The following SASH1 variants were observed in gnomAD, a reference collection of about 807,000 sequenced individuals.
SASH1 encodes SAM and SH3 domain containing 1.
Under a neutral mutation model 125.2 loss-of-function variants are expected in SASH1, and 44 were observed. The ratio of observed to expected loss-of-function variants is 0.35; its 90% CI spans 0.28 to 0.45. SASH1 has a LOEUF of 0.45. SASH1 is among the 20% of genes least tolerant of loss of function. The pLI is 1.00. For synonymous variants in SASH1, 639 were observed against 649.1 expected (o/e 0.98, Z 0.24); for missense variants, 1,426 against 1,614.5 (o/e 0.88, Z 2.00).
chr6:148,310,317 G>A (rs916271869), intron 1 of SASH1, among the ~76,000 whole-genome samples: 3 of 151,480 alleles, frequency 2.0e-5, no homozygotes, highest in Non-Finnish European at 2.9e-5. Flanking sequence ...GTGAAACGTT[G>A]TCTCAAAACA....
At chr6:148,349,112 G>A (rs1781616187) in intron 1 of SASH1, among the ~76,000 whole-genome samples, 1 of 152,144 alleles carries the variant, frequency 6.6e-6, no homozygotes, top group African/African-American at 2.4e-5. Flanking sequence ...AGGTGGAAGG[G>A]CACAGATCTC....
chr6:148,503,771 A>C (rs1387930113), intron 8 of SASH1, among the ~76,000 whole-genome samples: 1 of 151,924 alleles, frequency 6.6e-6, no homozygotes, highest in African/African-American at 2.4e-5. Context: ...AAAAAAAAAA[A>C]AAAGAAACAT....
At chr6:148,474,288 CG>C in intron 7 of SASH1, 66 bp downstream of exon 7, 1 of 994,224 alleles carries the variant, frequency 1.0e-6, no homozygotes, top group Non-Finnish European at 1.5e-6. Context: ...AAAATGTTTG[CG>C]GCCAACAAGG....
rs186257741 is a variant in SASH1, at chr6:148,528,016, G to A, written c.1428+420G>A. ...GGGGGGGGGTGGCAGTAGACTTGTC[G>A]ATCATAGCATAAGTTGTTCTAGAAG... is the stretch of plus-strand genomic sequence containing the variant. On this transcript the variant is annotated intron_variant, in intron 12 of 19. Coordinates refer to ENST00000367467, the MANE Select transcript of SASH1 (RefSeq NM_015278.5). 1.0e-3 allele frequency among the ~76,000 whole-genome samples: 153 copies of A among 146,270 alleles called. 1 individual carries two copies. The highest frequency in any genetic ancestry group is 1.9e-3 in the Non-Finnish European group (128 of 67,386).
chr6:148,309,084 CAAAAAA>C (rs10652144), intron 1 of SASH1, among the ~76,000 whole-genome samples: 3 of 101,102 alleles, frequency 3.0e-5, no homozygotes, highest in Non-Finnish European at 5.9e-5. Flanking sequence ...ACTCTGTCTC[CAAAAAA>C]AAAAAAAAAA....
chr6:148,455,961 A>G (rs756053034), intron 4 of SASH1, among the ~76,000 whole-genome samples: 3 of 151,866 alleles, frequency 2.0e-5, no homozygotes, highest in Non-Finnish European at 4.4e-5. Context: ...CCCCCAGGGC[A>G]GCTGGCAGAA....
intron 4 of SASH1, among the ~76,000 whole-genome samples, chr6:148,443,703 G>C (rs916526588): frequency 6.6e-6 from 1 of 151,860 alleles, no homozygotes; most frequent in Non-Finnish European, 1.5e-5. Flanking sequence ...GAGGTTTTGT[G>C]TTTAAATTTC....
chr6:148,425,200 A>G (rs1352926143), intron 2 of SASH1, among the ~76,000 whole-genome samples: 2 of 152,226 alleles, frequency 1.3e-5, no homozygotes, highest in Non-Finnish European at 2.9e-5. Context: ...AGCTAGCTTC[A>G]GGATGAACAC....
chr6:148,206,830 C>CACACAA, the SASH1 span, among the ~76,000 whole-genome samples: 2 of 150,724 alleles, frequency 1.3e-5, no homozygotes, highest in East Asian at 1.9e-4. Context: ...CACACACACA[C>CACACAA]AAATTAACAT....
upstream of SASH1, among the ~76,000 whole-genome samples, chr6:148,267,674 G>A (rs1778979065): frequency 2.0e-5 from 3 of 152,046 alleles, no homozygotes; most frequent in Admixed American, 1.3e-4. Context: ...CACCGTGCCC[G>A]GCCCCAGTGC....
intron 2 of SASH1, among the ~76,000 whole-genome samples, chr6:148,401,802 T>C (rs1303655889): frequency 6.6e-6 from 1 of 152,146 alleles, no homozygotes; most frequent in African/African-American, 2.4e-5. Context: ...GTGTATGTTT[T>C]TTTTTAGTGT....
chr6:148,242,687 A>G, the SASH1 span, among the ~76,000 whole-genome samples: 5 of 152,208 alleles, frequency 3.3e-5, no homozygotes, highest in African/African-American at 9.6e-5. Context: ...AGCTGCCACT[A>G]TAACAAATAC....
chr6:148,283,988 C>T (rs1486224148), intron 1 of SASH1, among the ~76,000 whole-genome samples: 1 of 151,944 alleles, frequency 6.6e-6, no homozygotes, highest in Non-Finnish European at 1.5e-5. Flanking sequence ...TTCCCTTCAC[C>T]CTGAGTGTTA....
In SASH1 at chr6:148,390,225, A is replaced by G. The variant is rs1474482011; in HGVS notation, c.248A>G (p.Glu83Gly). Residue 83 changes from glutamate to glycine, a missense_variant, in exon 2 of 20, where the codon GAG (glutamate) becomes GGG (glycine). By Grantham distance (98) the Glu-to-Gly change is moderately conservative. Transcript: ENST00000367467. ...CFSDVCERME[E>G]LRKRRVSQDL... ...TCCGACGTGTGCGAGAGGATGGAGG[A>G]GCTGCGGAAACGGCGGGTTTCCCAG... 7 of 1,612,578 alleles carry G rather than the reference A, an allele frequency of 4.3e-6. No homozygotes were observed. Among genetic ancestry groups the G allele is most frequent in the African/African-American group, 1.3e-5 (1 of 74,868 alleles).
chr6:148,347,029 A>G (rs376004772), intron 1 of SASH1, among the ~76,000 whole-genome samples: 4 of 152,316 alleles, frequency 2.6e-5, no homozygotes, highest in East Asian at 1.9e-4. Context: ...CAGACACGGC[A>G]TTCCTTTTTT....
chr6:148,525,820 A>G (rs546593690), intron 11 of SASH1, among the ~76,000 whole-genome samples: 25 of 152,230 alleles, frequency 1.6e-4, no homozygotes, highest in African/African-American at 6.0e-4. Context: ...CTGGCCCCAC[A>G]TGGCCTATAC....
At chr6:148,350,656 GA>G (rs112132432) in intron 1 of SASH1, among the ~76,000 whole-genome samples, 219 of 152,232 alleles carry the variant, frequency 1.4e-3, no homozygotes, top group African/African-American at 4.8e-3. Flanking sequence ...TGTAATAGAC[GA>G]TGTGCCTACC....
chr6:148,318,280 TA>T (rs1780534950), intron 1 of SASH1, among the ~76,000 whole-genome samples: 1 of 152,204 alleles, frequency 6.6e-6, no homozygotes. Flanking sequence ...ACAAAATATT[TA>T]ATATACAGGG....
chr6:148,412,964 T>C (rs1784685867), intron 2 of SASH1, among the ~76,000 whole-genome samples: 1 of 152,198 alleles, frequency 6.6e-6, no homozygotes, highest in South Asian at 2.1e-4. Flanking sequence ...TAGGGAAATA[T>C]TTACCATTTT....
Sources: allele counts gnomAD v4.1 joint callset (sites outside exome capture counted in the v4.1 genomes callset), GRCh38; gene constraint gnomAD v4.1.1; transcripts MANE v1.5; gene names NCBI Gene and HGNC (gene_info 2026-07-23, HGNC 2026-07-21).